TENT2: variants seen among roughly 807,000 people sequenced by gnomAD.
The protein encoded by TENT2 is terminal nucleotidyltransferase 2.
In TENT2, 44 loss-of-function variants were observed where a neutral mutation model predicts 72.2. The ratio of observed to expected loss-of-function variants is 0.61; its 90% CI spans 0.48 to 0.78. The LOEUF (loss-of-function observed/expected upper bound fraction) is 0.78. Among genes scored for constraint, TENT2 ranks in the 30% least tolerant of loss-of-function variants. The pLI is 0.00. For synonymous variants in TENT2, 212 were observed against 192.5 expected (o/e 1.10, Z -0.84); for missense variants, 541 against 569.6 (o/e 0.95, Z 0.51).
At chr5:79,623,760 C>T in intron 4 of TENT2, 1 of 247,908 alleles carries the variant, frequency 4.0e-6, no homozygotes, top group Admixed American at 5.1e-5. Flanking sequence ...AGAGAACTGT[C>T]TTGTTACTTG....
intron 12 of TENT2, among the ~76,000 whole-genome samples, chr5:79,675,428 G>A (rs1020940016): frequency 6.6e-6 from 1 of 152,134 alleles, no homozygotes; most frequent in African/African-American, 2.4e-5. Context: ...TGTGAAGGTG[G>A]AAATTTGAGA....
chr5:79,634,238 A>G (rs1223101686), intron 4 of TENT2, among the ~76,000 whole-genome samples: 2 of 152,054 alleles, frequency 1.3e-5, no homozygotes, highest in African/African-American at 4.8e-5. Context: ...GACAATGGCA[A>G]TTTTATTGGT....
chr5:79,635,095 G>A (rs1051574611), intron 4 of TENT2, among the ~76,000 whole-genome samples: 7 of 152,100 alleles, frequency 4.6e-5, no homozygotes, highest in Admixed American at 4.6e-4. Flanking sequence ...GATCTAAATC[G>A]TATATGATTT....
intron 11 of TENT2, among the ~76,000 whole-genome samples, chr5:79,661,354 T>G (rs2150419841): frequency 6.6e-6 from 1 of 152,290 alleles, no homozygotes. Flanking sequence ...TTATACCATG[T>G]TTTTAGTGTA....
At chr5:79,632,618 A>C (rs1474704750) in intron 4 of TENT2, among the ~76,000 whole-genome samples, 1 of 152,168 alleles carries the variant, frequency 6.6e-6, no homozygotes, top group South Asian at 2.1e-4. Context: ...ATTGATTGTA[A>C]AATAAAAAGA....
At chr5:79,627,482 A>C (rs1032862161) in intron 4 of TENT2, among the ~76,000 whole-genome samples, 2 of 152,034 alleles carry the variant, frequency 1.3e-5, no homozygotes, top group African/African-American at 4.8e-5. Context: ...AATTGAACCA[A>C]TTTCTTTTTT....
At chr5:79,654,047 G>A (rs1331836770) in intron 10 of TENT2, among the ~76,000 whole-genome samples, 3 of 152,196 alleles carry the variant, frequency 2.0e-5, no homozygotes, top group Non-Finnish European at 2.9e-5. Flanking sequence ...ATAAATTCCA[G>A]TAGTCAATAA....
At chr5:79,633,704 C>A (rs1215863996) in intron 4 of TENT2, among the ~76,000 whole-genome samples, 5 of 147,144 alleles carry the variant, frequency 3.4e-5, no homozygotes, top group South Asian at 4.3e-4. Flanking sequence ...GCATGAGCCA[C>A]TGTGCCAGGC....
intron 1 of TENT2, among the ~76,000 whole-genome samples, chr5:79,615,460 A>AT (rs1561438189): frequency 1.3e-5 from 2 of 152,260 alleles, no homozygotes; most frequent in African/African-American, 4.8e-5. Context: ...TTCTGAATAC[A>AT]TATTTCTTCC....
At chr5:79,668,426 A>G (rs922998244) in intron 11 of TENT2, among the ~76,000 whole-genome samples, 4 of 152,186 alleles carry the variant, frequency 2.6e-5, no homozygotes, top group African/African-American at 9.6e-5. Context: ...CTATTTCTAT[A>G]TTAAAGTTAC....
intron 11 of TENT2, 180 bp from the exon 12 acceptor site, chr5:79,668,712 C>G: frequency 1.7e-6 from 1 of 575,756 alleles, no homozygotes; most frequent in South Asian, 2.7e-5. Context: ...CAGGTACATT[C>G]TGGTCTACTG....
chr5:79,685,149 T>G, intron 14 of TENT2, 50 bp from the exon 15 acceptor site: 1 of 1,302,362 alleles, frequency 7.7e-7, no homozygotes, highest in Non-Finnish European at 1.1e-6. Flanking sequence ...CTCAGTCTTT[T>G]GTTCTGCATA....
chr5:79,684,736 T>G (rs1335863180), intron 14 of TENT2, among the ~76,000 whole-genome samples: 1 of 152,252 alleles, frequency 6.6e-6, no homozygotes, highest in Non-Finnish European at 1.5e-5. Context: ...GTACCACCTA[T>G]GTGCCCATTT....
rs577018323 is a variant in TENT2 at position 79,656,921 on chromosome 5, G to A, written c.1028-37G>A. The A allele has an allele frequency of 1.2e-5, 19 of 1,534,900 alleles. 1 individual carries two copies. Among genetic ancestry groups the A allele is most frequent in the Admixed American group, 7.1e-5 (4 of 56,450 alleles). On this transcript the variant is annotated intron_variant, in intron 10 of 14. Coordinates refer to ENST00000453514, the MANE Select transcript of TENT2 (RefSeq NM_001114394.3). ...ATTATTGCATTGTAAAATGAGTCAC[G>A]TGAATCACGGAAGCTTTAAACTTTT...
intron 11 of TENT2, among the ~76,000 whole-genome samples, chr5:79,662,125 T>G (rs1434581204): frequency 6.6e-6 from 1 of 152,320 alleles, no homozygotes; most frequent in African/African-American, 2.4e-5. Context: ...ACTACTTTTC[T>G]TTGCTCATCC....
At chr5:79,647,527 C>G (rs1037655964) in intron 8 of TENT2, among the ~76,000 whole-genome samples, 3 of 152,132 alleles carry the variant, frequency 2.0e-5, no homozygotes, top group Non-Finnish European at 4.4e-5. Context: ...CGTATAATAT[C>G]TGAAGTGTTA....
intron 4 of TENT2, among the ~76,000 whole-genome samples, chr5:79,640,607 G>A (rs1395655560): frequency 6.6e-6 from 1 of 152,100 alleles, no homozygotes; most frequent in African/African-American, 2.4e-5. Context: ...TTTTTATTAC[G>A]AAGTATCTGT....
intron 11 of TENT2, among the ~76,000 whole-genome samples, chr5:79,665,892 AC>A (rs1807267646): frequency 6.6e-6 from 1 of 151,040 alleles, no homozygotes; most frequent in African/African-American, 2.4e-5. Context: ...TAAGTTCTGA[AC>A]CCCCTTGTCC....
At chr5:79,617,988 T>C (rs1392982853) in intron 1 of TENT2, among the ~76,000 whole-genome samples, 3 of 152,212 alleles carry the variant, frequency 2.0e-5, no homozygotes, top group Non-Finnish European at 4.4e-5. Context: ...TTTCAGTCTT[T>C]GGCATTTTTT....
Sources: allele counts gnomAD v4.1 joint callset (sites outside exome capture counted in the v4.1 genomes callset), GRCh38; gene constraint gnomAD v4.1.1; transcripts MANE v1.5; gene names NCBI Gene and HGNC (gene_info 2026-07-23, HGNC 2026-07-21).